Variants in CDH19 observed in about 807,000 individuals in gnomAD.
The protein encoded by CDH19 is cadherin-19.
CDH19 carries 67 observed loss-of-function variants against 64.2 expected under a neutral mutation model. The observed-to-expected ratio is 1.04, with a 90% CI of 0.86 to 1.28. The LOEUF (loss-of-function observed/expected upper bound fraction) is 1.28, where lower values mean the gene tolerates loss of function less well. Among genes scored for constraint, CDH19 ranks in the 50% most tolerant of loss-of-function variants. CDH19 has a pLI of 0.00. For synonymous variants in CDH19, 346 were observed against 319.3 expected (o/e 1.08, Z -0.89); for missense variants, 1,030 against 929.0 (o/e 1.11, Z -1.41).
chr18:66,571,935 A>C (rs1988116034), intron 2 of CDH19, 75 bp downstream of exon 2: 2 of 1,128,146 alleles, frequency 1.8e-6, no homozygotes, highest in Non-Finnish European at 1.3e-6. Context: ...GGAACTCATC[A>C]AATCTCCAAA....
intron 7 of CDH19, among the ~76,000 whole-genome samples, chr18:66,539,466 T>C (rs1402838323): frequency 1.3e-5 from 2 of 152,158 alleles, no homozygotes; most frequent in African/African-American, 4.8e-5. Context: ...ATTGTGCTGA[T>C]AGTTTTTATA....
intron 1 of CDH19, among the ~76,000 whole-genome samples, chr18:66,579,999 GATA>G (rs984880715): frequency 2.0e-5 from 3 of 152,000 alleles, no homozygotes; most frequent in African/African-American, 7.2e-5. Flanking sequence ...GTGGTAAATT[GATA>G]ATAATTGTTG....
intron 1 of CDH19, among the ~76,000 whole-genome samples, chr18:66,591,584 AAG>A (rs1016610077): frequency 3.4e-4 from 51 of 152,052 alleles, no homozygotes; most frequent in African/African-American, 1.2e-3. Flanking sequence ...TATAAAAACT[AAG>A]AGAGTTTAGA....
chr18:66,552,263 G>A (rs1220562183), intron 4 of CDH19, among the ~76,000 whole-genome samples: 1 of 151,824 alleles, frequency 6.6e-6, no homozygotes, highest in Admixed American at 6.6e-5. Context: ...TGACATATGA[G>A]TATAAAATGC....
intron 7 of CDH19, among the ~76,000 whole-genome samples, chr18:66,538,280 C>A (rs1429669408): frequency 6.6e-6 from 1 of 152,004 alleles, no homozygotes; most frequent in East Asian, 1.9e-4. Context: ...AGTACATTTG[C>A]AATAGTTTGC....
intron 7 of CDH19, among the ~76,000 whole-genome samples, chr18:66,540,395 A>G (rs1986842335): frequency 6.6e-6 from 1 of 152,218 alleles, no homozygotes; most frequent in Non-Finnish European, 1.5e-5. Context: ...CCAAAAGAGT[A>G]ATCCCTATAT....
chr18:66,554,613 G>A, intron 3 of CDH19, 89 bp from the exon 4 acceptor site: 1 of 1,029,318 alleles, frequency 9.7e-7, no homozygotes, highest in African/African-American at 1.6e-5. Context: ...TACCAAGCAA[G>A]ATGTTGTTAC....
intron 1 of CDH19, among the ~76,000 whole-genome samples, chr18:66,591,386 T>G (rs1009552521): frequency 2.6e-5 from 4 of 151,916 alleles, no homozygotes; most frequent in Non-Finnish European, 4.4e-5. Flanking sequence ...GCTCTCAATA[T>G]AAATGCTATT....
rs1429506873 is a variant in CDH19 at position 66,505,065 on chromosome 18, C to T, written c.2066G>A (p.Gly689Asp). Residue 689 changes from glycine (G) to aspartate (D), a missense_variant, in exon 12 of 12, where the codon GGC becomes GAC. Physicochemically the swap from Gly to Asp is moderately conservative, Grantham distance 94 (BLOSUM62 -1). Coordinates refer to ENST00000262150, the MANE Select transcript of CDH19 (RefSeq NM_021153.4). ...RSLYRQSLQV[G>D]PDSAIFRKFI... ...TTTCCTGAATATGGCACTGTCGGGG[C>T]CAACTTGCAAAGACTGCCTGTATAG... The T allele has an allele frequency of 1.9e-6, 3 of 1,613,746 alleles. No individual in the cohort carries two copies. The highest frequency in any genetic ancestry group is 2.2e-5 in the South Asian group (2 of 91,080).
chr18:66,507,004 G>T (rs1985234736), intron 11 of CDH19, among the ~76,000 whole-genome samples: 1 of 151,700 alleles, frequency 6.6e-6, no homozygotes, highest in Non-Finnish European at 1.5e-5. Flanking sequence ...ACATTCAAAG[G>T]AAATCACTAT....
intron 7 of CDH19, among the ~76,000 whole-genome samples, chr18:66,540,990 A>G (rs138769698): frequency 9.2e-5 from 14 of 152,244 alleles, no homozygotes; most frequent in African/African-American, 3.4e-4. Context: ...CAATTCTATC[A>G]TCTCACTTTC....
chr18:66,554,634 C>A, intron 3 of CDH19, 110 bp from the exon 4 acceptor site: 1 of 727,204 alleles, frequency 1.4e-6, no homozygotes, highest in South Asian at 2.6e-5. Context: ...AAAATGAAAG[C>A]TCAATTCACC....
chr18:66,506,044 A>G (rs1415805872), intron 11 of CDH19, among the ~76,000 whole-genome samples: 1 of 152,046 alleles, frequency 6.6e-6, no homozygotes. Flanking sequence ...GCTGGACATC[A>G]TGTTAAGTAA....
At chr18:66,541,729 A>G (rs1242482150) in intron 7 of CDH19, among the ~76,000 whole-genome samples, 2 of 152,238 alleles carry the variant, frequency 1.3e-5, no homozygotes, top group East Asian at 1.9e-4. Context: ...AATCATTAAA[A>G]CGTGTTTTTT....
intron 7 of CDH19, among the ~76,000 whole-genome samples, chr18:66,538,490 G>A (rs58286704): frequency 0.15 from 22,815 of 151,612 alleles, 1,841 homozygotes; most frequent in South Asian, 0.25. Flanking sequence ...GGTACCACAG[G>A]GTTTATTTTT....
chr18:66,584,231 A>G (rs938564570), intron 1 of CDH19, among the ~76,000 whole-genome samples: 4 of 152,066 alleles, frequency 2.6e-5, no homozygotes, highest in Non-Finnish European at 5.9e-5. Flanking sequence ...CACTTGGCCA[A>G]CAAGCACATG....
chr18:66,564,509 T>G (rs1468676660), intron 3 of CDH19, among the ~76,000 whole-genome samples: 5 of 151,890 alleles, frequency 3.3e-5, no homozygotes, highest in African/African-American at 1.2e-4. Flanking sequence ...AGGATATTTA[T>G]TTGGAAAAGC....
chr18:66,544,937 ATACT>A (rs1555687328), intron 5 of CDH19, 34 bp from the exon 6 acceptor site: 4 of 1,402,228 alleles, frequency 2.9e-6, no homozygotes, highest in Non-Finnish European at 3.9e-6. Flanking sequence ...TTTTGGATAA[ATACT>A]TAATATAGAC....
intron 7 of CDH19, among the ~76,000 whole-genome samples, chr18:66,540,935 AT>A (rs754713272): frequency 4.6e-5 from 7 of 152,070 alleles, no homozygotes; most frequent in Admixed American, 2.0e-4. Flanking sequence ...TTTATTACAG[AT>A]TGTTTGGGCT....
Sources: allele counts gnomAD v4.1 joint callset (sites outside exome capture counted in the v4.1 genomes callset), GRCh38; gene constraint gnomAD v4.1.1; transcripts MANE v1.5; gene names NCBI Gene and HGNC (gene_info 2026-07-23, HGNC 2026-07-21).